Variants in ABCA10 observed in about 807,000 individuals in gnomAD.
ABCA10 encodes ATP-binding cassette sub-family A member 10.
ABCA10 carries 169 observed loss-of-function variants against 187.5 expected under a neutral mutation model. The ratio of observed to expected loss-of-function variants is 0.90; its 90% CI spans 0.80 to 1.02. ABCA10 has a LOEUF of 1.02. Ranked by LOEUF, ABCA10 falls within the 50% of genes least tolerant of loss-of-function variation. The pLI is 0.00. For synonymous variants in ABCA10, 574 were observed against 601.8 expected (o/e 0.95, Z 0.68); for missense variants, 1,727 against 1,812.4 (o/e 0.95, Z 0.86).
intron 20 of ABCA10, 35 bp from the exon 21 acceptor site, chr17:69,182,843 A>G: frequency 6.4e-7 from 1 of 1,552,126 alleles, no homozygotes; most frequent in Non-Finnish European, 8.7e-7. Flanking sequence ...AAGAAAAAAA[A>G]AAAAAAAGCA....
At chr17:69,199,689 C>T (rs2074530201) in intron 10 of ABCA10, among the ~76,000 whole-genome samples, 1 of 152,224 alleles carries the variant, frequency 6.6e-6, no homozygotes, top group Non-Finnish European at 1.5e-5. Flanking sequence ...TACCATACAA[C>T]AACACCCATC....
chr17:69,200,381 A>T (rs1462772110), intron 10 of ABCA10, among the ~76,000 whole-genome samples: 1 of 152,236 alleles, frequency 6.6e-6, no homozygotes, highest in Non-Finnish European at 1.5e-5. Context: ...TTAAACCTAC[A>T]GACTACATCA....
chr17:69,193,449 TC>T, intron 14 of ABCA10, 43 bp downstream of exon 14: 1 of 1,582,042 alleles, frequency 6.3e-7, no homozygotes, highest in Middle Eastern at 1.7e-4. Context: ...TAGTTGTATA[TC>T]CTTCAATCTA....
chr17:69,191,655 T>TA (rs2074460970), intron 16 of ABCA10, among the ~76,000 whole-genome samples: 1 of 68,626 alleles, frequency 1.5e-5, no homozygotes, highest in Non-Finnish European at 2.9e-5. Context: ...AAAAGTTATT[T>TA]TATGTGTGTG....
chr17:69,154,140 C>T (rs1257617771), intron 31 of ABCA10, 95 bp downstream of exon 31: 2 of 1,430,658 alleles, frequency 1.4e-6, no homozygotes, highest in Non-Finnish European at 1.9e-6. Context: ...TAAATTCTTT[C>T]ATCTATTTTT....
chr17:69,242,627 G>C (rs1247621747), intron 1 of ABCA10, among the ~76,000 whole-genome samples: 1 of 152,050 alleles, frequency 6.6e-6, no homozygotes, highest in African/African-American at 2.4e-5. Context: ...ACCACACCCA[G>C]CTAATTTTAT....
At chr17:69,232,747 G>C (rs1057241625), upstream of ABCA10, among the ~76,000 whole-genome samples, 1 of 152,138 alleles carries the variant, frequency 6.6e-6, no homozygotes, top group African/African-American at 2.4e-5. Context: ...AGGTCTGATA[G>C]TAATGAATTC....
intron 27 of ABCA10, among the ~76,000 whole-genome samples, chr17:69,162,846 T>TACATATACATATACATATAC (rs1568051566): frequency 7.8e-4 from 117 of 149,972 alleles, no homozygotes; most frequent in African/African-American, 2.3e-3. Flanking sequence ...TACATATATA[T>TACATATACATATACATATAC]ATATATATAT....
At chr17:69,221,691 T>C in intron 5 of ABCA10, 101 bp downstream of exon 5, 1 of 1,024,528 alleles carries the variant, frequency 9.8e-7, no homozygotes, top group Non-Finnish European at 1.4e-6. Context: ...AGGCAAAGTA[T>C]CACCTCCTAA....
intron 37 of ABCA10, among the ~76,000 whole-genome samples, chr17:69,149,549 C>A (rs576800495): frequency 6.6e-6 from 1 of 152,144 alleles, no homozygotes; most frequent in African/African-American, 2.4e-5. Context: ...TGTTTTCTTT[C>A]GCTGACCTTC....
At chr17:69,154,095 C>T (rs2074153531) in intron 31 of ABCA10, 86 bp from the exon 32 acceptor site, 1 of 1,518,366 alleles carries the variant, frequency 6.6e-7, no homozygotes, top group African/African-American at 1.4e-5. Context: ...GGCCATTAAG[C>T]TACAATATTT....
chr17:69,150,115 G>A, intron 36 of ABCA10, 52 bp from the exon 37 acceptor site: 1 of 1,366,404 alleles, frequency 7.3e-7, no homozygotes. Flanking sequence ...TGATAATACG[G>A]GGGAGGAATT....
rs373370338 is a variant in ABCA10, at chr17:69,153,912, T to C, written c.3884A>G (p.Lys1295Arg). 1 of 1,614,114 alleles carries C rather than the reference T, an allele frequency of 6.2e-7. No individual in the cohort carries two copies. Among genetic ancestry groups the C allele is most frequent in the Non-Finnish European group, 8.5e-7 (1 of 1,179,986 alleles). Reference protein sequence around the residue: ...YCPQENSLWPKLTMKEHLELY... With the variant: ...YCPQENSLWPRLTMKEHLELY... ...CTCCAAGTGCTCTTTCATTGTAAGC[T>C]TGGGCCACAGTGAGTTCTCCTGAGG... The change falls in exon 32 of 39, where the codon AAG (lysine) becomes AGG (arginine). Residue 1295 changes from lysine to arginine, a missense_variant. Physicochemically the swap from Lys to Arg is conservative, Grantham distance 26. Transcript: ENST00000690296.
chr17:69,237,902 C>G (rs139035531), intron 1 of ABCA10, among the ~76,000 whole-genome samples: 1 of 152,072 alleles, frequency 6.6e-6, no homozygotes, highest in African/African-American at 2.4e-5. Flanking sequence ...GTGGCTCACA[C>G]CTGTAATCCT....
chr17:69,164,683 GT>G (rs2074242552), intron 26 of ABCA10, among the ~76,000 whole-genome samples: 1 of 152,112 alleles, frequency 6.6e-6, no homozygotes, highest in Non-Finnish European at 1.5e-5. Flanking sequence ...CAATGGAAAA[GT>G]TTTAGTCCTG....
At chr17:69,244,845 T>C (rs2074933416) in exon 1 of ABCA10, 1 of 150,660 alleles carries the variant, frequency 6.6e-6, no homozygotes, top group African/African-American at 2.4e-5. Context: ...TTAGTACTAC[T>C]AGCAAAGGAT....
intron 9 of ABCA10, among the ~76,000 whole-genome samples, chr17:69,213,781 C>T (rs2074679332): frequency 6.6e-6 from 1 of 152,210 alleles, no homozygotes; most frequent in African/African-American, 2.4e-5. Context: ...CACCCTGGCC[C>T]CTTCCGATTC....
intron 25 of ABCA10, among the ~76,000 whole-genome samples, chr17:69,170,508 T>C (rs557060443): frequency 6.6e-6 from 1 of 151,264 alleles, no homozygotes; most frequent in South Asian, 2.1e-4. Flanking sequence ...GCAACAACAA[T>C]GCCTTGTAAG....
In ABCA10 at chr17:69,182,657, G is replaced by A. The variant is rs202161498; in HGVS notation, c.2631+18C>T. The A allele has an allele frequency of 1.3e-6, 2 of 1,577,456 alleles. No homozygotes were observed. The highest frequency in any genetic ancestry group is 2.7e-5 in the African/African-American group (2 of 72,838). On this transcript the variant is annotated intron_variant, in intron 21 of 38. Coordinates refer to ENST00000690296, the MANE Select transcript of ABCA10 (RefSeq NM_001377321.1). ...CAAAAAAAAACCAAAAAAAAACAGT[G>A]CATAGAAGCAAACATACCTTCTGGT...
Sources: allele counts gnomAD v4.1 joint callset (sites outside exome capture counted in the v4.1 genomes callset), GRCh38; gene constraint gnomAD v4.1.1; transcripts MANE v1.5; gene names NCBI Gene and HGNC (gene_info 2026-07-23, HGNC 2026-07-21).